MYT1L: variants seen among roughly 807,000 people sequenced by gnomAD.
The protein encoded by MYT1L is myelin transcription factor 1-like protein.
In MYT1L, 12 loss-of-function variants were observed where a neutral mutation model predicts 126.7. The ratio of observed to expected loss-of-function variants is 0.09; its 90% CI spans 0.06 to 0.15. MYT1L has a LOEUF of 0.15. Among genes scored for constraint, MYT1L ranks in the 10% least tolerant of loss-of-function variants. The pLI is 1.00. For synonymous variants in MYT1L, 541 were observed against 604.2 expected (o/e 0.90, Z 1.53); for missense variants, 979 against 1,585.2 (o/e 0.62, Z 6.49).
chr2:1,913,655 C>T (rs2052390665), intron 11 of MYT1L, among the ~76,000 whole-genome samples: 1 of 152,152 alleles, frequency 6.6e-6, no homozygotes, highest in Non-Finnish European at 1.5e-5. Flanking sequence ...GTACCTGCAC[C>T]TTTCCTTTCC....
intron 3 of MYT1L, among the ~76,000 whole-genome samples, chr2:2,055,497 A>G (rs17338561): frequency 0.028 from 4,245 of 152,370 alleles, 83 homozygotes; most frequent in South Asian, 0.093. Context: ...ATGTTTATAT[A>G]GTAGGCACAG....
chr2:2,243,848 C>T (rs568953195), intron 2 of MYT1L, among the ~76,000 whole-genome samples: 2 of 152,224 alleles, frequency 1.3e-5, no homozygotes, highest in African/African-American at 4.8e-5. Context: ...CAAGGAGGCT[C>T]GAAGTTAGCT....
chr2:2,130,917 G>C (rs995478474), intron 3 of MYT1L, among the ~76,000 whole-genome samples: 5 of 152,082 alleles, frequency 3.3e-5, no homozygotes, highest in Non-Finnish European at 7.4e-5. Context: ...AATCTTTAAA[G>C]CTCCTTTCAT....
intron 2 of MYT1L, among the ~76,000 whole-genome samples, chr2:2,217,478 T>G (rs1458034605): frequency 1.3e-5 from 2 of 151,742 alleles, no homozygotes; most frequent in African/African-American, 4.8e-5. Flanking sequence ...AGGTCAGAAA[T>G]TGAAGGCCAG....
At chr2:1,897,675 C>T (rs949527474) in intron 14 of MYT1L, among the ~76,000 whole-genome samples, 1 of 152,148 alleles carries the variant, frequency 6.6e-6, no homozygotes, top group Non-Finnish European at 1.5e-5. Context: ...GTTGGCCAGG[C>T]TGATCTCAAA....
At chr2:2,079,345 G>T (rs956448471) in intron 3 of MYT1L, among the ~76,000 whole-genome samples, 6 of 152,162 alleles carry the variant, frequency 3.9e-5, no homozygotes, top group African/African-American at 1.2e-4. Context: ...AGAAATTAAA[G>T]ATTGAAATAA....
At chr2:2,015,759 G>A (rs1443888725) in intron 4 of MYT1L, among the ~76,000 whole-genome samples, 1 of 152,194 alleles carries the variant, frequency 6.6e-6, no homozygotes, top group African/African-American at 2.4e-5. Flanking sequence ...TCTGCCCCGG[G>A]TTCCAGGACA....
rs543818104 is a variant in MYT1L at position 1,972,950 on chromosome 2, CG to C, written c.152+6214del. ...CTACCAATACCCATCACCTAACTTTCGGGTGTTTATTGAGTGTACAAAGACT... is the reference window on the plus strand; with the variant it reads ...CTACCAATACCCATCACCTAACTTTCGGTGTTTATTGAGTGTACAAAGACT... On this transcript the variant is annotated intron_variant, in intron 8 of 24. Transcript: ENST00000647738. 3.6e-3 allele frequency among the ~76,000 whole-genome samples: 553 copies of C among 152,338 alleles called. 3 individuals are homozygous for C. The highest frequency in any genetic ancestry group is 0.013 in the African/African-American group (531 of 41,568).
intron 2 of MYT1L, among the ~76,000 whole-genome samples, chr2:2,241,720 C>T (rs1053479372): frequency 3.9e-5 from 6 of 152,144 alleles, no homozygotes; most frequent in Non-Finnish European, 1.5e-5. Flanking sequence ...CACACGTGTC[C>T]ACTGACAGAT....
chr2:1,996,850 T>C (rs1358395482), intron 5 of MYT1L, among the ~76,000 whole-genome samples: 1 of 140,536 alleles, frequency 7.1e-6, no homozygotes, highest in African/African-American at 2.7e-5. Context: ...CGGGCCGCCT[T>C]TACCTAGTGA....
intron 4 of MYT1L, among the ~76,000 whole-genome samples, chr2:2,048,322 G>T (rs1227295849): frequency 6.6e-6 from 1 of 152,184 alleles, no homozygotes; most frequent in African/African-American, 2.4e-5. Context: ...GTGAATTTGT[G>T]TAGCTCCAGC....
At chr2:1,949,818 A>T (rs1238998212) in intron 8 of MYT1L, among the ~76,000 whole-genome samples, 2 of 152,196 alleles carry the variant, frequency 1.3e-5, no homozygotes, top group Non-Finnish European at 2.9e-5. Flanking sequence ...GTGATTGACC[A>T]GTCGGCTCAG....
intron 4 of MYT1L, among the ~76,000 whole-genome samples, chr2:2,024,263 A>G (rs1398299186): frequency 6.6e-6 from 1 of 152,228 alleles, no homozygotes; most frequent in Non-Finnish European, 1.5e-5. Context: ...GTAATAGAAC[A>G]CCAGAACTTA....
intron 1 of MYT1L, among the ~76,000 whole-genome samples, chr2:2,321,420 G>A (rs1315601385): frequency 6.6e-6 from 1 of 152,106 alleles, no homozygotes; most frequent in African/African-American, 2.4e-5. Context: ...ACAATGCTCT[G>A]TGCTTTCAGC....
At chr2:2,324,441 T>G (rs2096218151) in intron 1 of MYT1L, 1 of 152,652 alleles carries the variant, frequency 6.6e-6, no homozygotes, top group African/African-American at 2.4e-5. Context: ...ACATCTTCTC[T>G]CTCTACCGGC....
chr2:1,939,118 C>T (rs1003120066), intron 9 of MYT1L, among the ~76,000 whole-genome samples: 7 of 152,334 alleles, frequency 4.6e-5, no homozygotes, highest in East Asian at 1.9e-4. Flanking sequence ...AGTTCCGTCA[C>T]GACGCCCTGG....
At chr2:1,856,160 C>A (rs1441705896) in intron 18 of MYT1L, among the ~76,000 whole-genome samples, 1 of 152,222 alleles carries the variant, frequency 6.6e-6, no homozygotes, top group Non-Finnish European at 1.5e-5. Context: ...GCATTTGGAA[C>A]TCTGACTTTA....
chr2:1,803,368 A>G (rs555299017), intron 22 of MYT1L, among the ~76,000 whole-genome samples: 1 of 152,290 alleles, frequency 6.6e-6, no homozygotes, highest in Non-Finnish European at 1.5e-5. Flanking sequence ...TGTCACAGGC[A>G]AATTTCTCAA....
At chr2:2,330,592 T>G (rs1330664535) in intron 1 of MYT1L, among the ~76,000 whole-genome samples, 1 of 152,232 alleles carries the variant, frequency 6.6e-6, no homozygotes, top group African/African-American at 2.4e-5. Context: ...AACATTTTAA[T>G]TGCCTTTGCA....
Sources: gnomAD v4.1 joint callset for allele counts (sites outside exome capture counted in the v4.1 genomes callset) on GRCh38, gnomAD v4.1.1 for gene constraint, MANE v1.5 for transcripts, NCBI Gene and HGNC (gene_info 2026-07-23, HGNC 2026-07-21) for gene names.